Variants in LINGO2 observed in about 807,000 individuals in gnomAD.
LINGO2 encodes the protein leucine rich repeat and Ig domain containing 2, also known as leucine-rich repeat and immunoglobulin-like domain-containing nogo receptor-interacting protein 2.
A neutral mutation model predicts 30.6 loss-of-function variants in LINGO2; 14 were observed. That is an observed-to-expected ratio of 0.46 (90% confidence interval 0.30 to 0.72). The LOEUF is 0.72. Among genes scored for constraint, LINGO2 ranks in the 30% least tolerant of loss-of-function variants. LINGO2 has a pLI of 0.07. For missense variants in LINGO2, 729 were observed against 751.7 expected (o/e 0.97, Z 0.35); for synonymous variants, 317 against 288.5 (o/e 1.10, Z -1.00).
intron 1 of LINGO2, among the ~76,000 whole-genome samples, chr9:28,580,873 G>A (rs764385839): frequency 2.0e-4 from 31 of 152,122 alleles, no homozygotes; most frequent in Middle Eastern, 3.4e-3. Context: ...CTTAGCAGTA[G>A]TGGGTAAGTA....
chr9:28,241,885 C>T (rs1413744751), intron 4 of LINGO2, among the ~76,000 whole-genome samples: 1 of 152,046 alleles, frequency 6.6e-6, no homozygotes, highest in Non-Finnish European at 1.5e-5. Flanking sequence ...AGAAGAGGGA[C>T]CTGACTACTG....
intron 2 of LINGO2, among the ~76,000 whole-genome samples, chr9:28,432,465 T>C (rs1464894648): frequency 6.6e-6 from 1 of 151,862 alleles, no homozygotes; most frequent in Non-Finnish European, 1.5e-5. Flanking sequence ...AGAAAGGAAC[T>C]GATGATGGAA....
chr9:28,036,389 G>A (rs1276670271), intron 4 of LINGO2, among the ~76,000 whole-genome samples: 2 of 152,178 alleles, frequency 1.3e-5, no homozygotes, highest in Admixed American at 6.5e-5. Flanking sequence ...CACACATCCA[G>A]GGTAAAGTTA....
At chr9:28,639,501 C>T (rs947153014) in intron 1 of LINGO2, among the ~76,000 whole-genome samples, 14 of 152,096 alleles carry the variant, frequency 9.2e-5, no homozygotes, top group African/African-American at 3.4e-4. Context: ...AATCTGGGTG[C>T]TCCTGTGCTG....
At chr9:28,107,594 T>C (rs1424343626) in intron 4 of LINGO2, among the ~76,000 whole-genome samples, 2 of 152,150 alleles carry the variant, frequency 1.3e-5, no homozygotes, top group Non-Finnish European at 2.9e-5. Flanking sequence ...GTTCCAATAG[T>C]TGTACATTTA....
chr9:28,009,268 A>G (rs1158760917), intron 5 of LINGO2, among the ~76,000 whole-genome samples: 1 of 151,980 alleles, frequency 6.6e-6, no homozygotes, highest in East Asian at 1.9e-4. Context: ...TAGACAAACT[A>G]TGAGGCTCTT....
chr9:29,015,665 T>C, the LINGO2 span, among the ~76,000 whole-genome samples: 2 of 152,104 alleles, frequency 1.3e-5, no homozygotes, highest in Non-Finnish European at 2.9e-5. Context: ...AATCTATAGA[T>C]TAAAAAAATA....
chr9:28,137,800 C>T (rs1225982186), intron 4 of LINGO2, among the ~76,000 whole-genome samples: 1 of 151,716 alleles, frequency 6.6e-6, no homozygotes, highest in Non-Finnish European at 1.5e-5. Context: ...TAGATTTTTC[C>T]CATTATTTAA....
At position 28,106,740 on chromosome 9, in the gene LINGO2, A is replaced by T. The variant is rs73643299; in HGVS notation, c.-86-94335T>A. On this transcript the variant is annotated intron_variant, in intron 4 of 5. Transcript: ENST00000379992. ...TGTTCACTAGCAGTGAAGCCTTCTC[A>T]AATTCTTTAAACTTTTCAAACTTTG... 8.1e-3 allele frequency among the ~76,000 whole-genome samples: 1,241 copies of T among 152,274 alleles called. 20 individuals are homozygous for T. Among genetic ancestry groups the T allele is most frequent in the African/African-American group, 0.028 (1,175 of 41,562 alleles).
At chr9:28,995,157 T>A in the LINGO2 span, among the ~76,000 whole-genome samples, 4 of 151,828 alleles carry the variant, frequency 2.6e-5, no homozygotes, top group Non-Finnish European at 5.9e-5. Context: ...TACAATGAAC[T>A]CAAACAAATT....
intron 4 of LINGO2, among the ~76,000 whole-genome samples, chr9:28,188,206 A>G (rs73445940): frequency 0.038 from 5,771 of 152,226 alleles, 354 homozygotes; most frequent in African/African-American, 0.13. Context: ...CTCATAGCTA[A>G]TTTCTACTTA....
At chr9:28,491,348 A>C (rs999465217) in intron 1 of LINGO2, among the ~76,000 whole-genome samples, 2 of 152,078 alleles carry the variant, frequency 1.3e-5, no homozygotes, top group Admixed American at 6.6e-5. Flanking sequence ...TTGCCTTCTT[A>C]TCTGTTTTAG....
chr9:29,032,898 C>G, the LINGO2 span, among the ~76,000 whole-genome samples: 1 of 152,084 alleles, frequency 6.6e-6, no homozygotes, highest in Non-Finnish European at 1.5e-5. Context: ...ATAGAGAGCT[C>G]TCCTCTGTAA....
At chr9:28,827,765 T>C in the LINGO2 span, among the ~76,000 whole-genome samples, 1 of 152,150 alleles carries the variant, frequency 6.6e-6, no homozygotes, top group Non-Finnish European at 1.5e-5. Flanking sequence ...AAAGATATTT[T>C]ATTGAAAACA....
At chr9:28,146,122 A>G (rs896902334) in intron 4 of LINGO2, among the ~76,000 whole-genome samples, 1 of 152,236 alleles carries the variant, frequency 6.6e-6, no homozygotes, top group Non-Finnish European at 1.5e-5. Context: ...CATTCACAGC[A>G]GAAGCACACA....
chr9:28,240,708 G>A (rs966715638), intron 4 of LINGO2, among the ~76,000 whole-genome samples: 35 of 152,174 alleles, frequency 2.3e-4, no homozygotes, highest in African/African-American at 8.2e-4. Flanking sequence ...AAACCTTGGG[G>A]GAAACTCCAG....
At chr9:27,958,985 C>T (rs7023531) in intron 5 of LINGO2, among the ~76,000 whole-genome samples, 24,068 of 152,114 alleles carry the variant, frequency 0.16, 4,541 homozygotes, top group African/African-American at 0.44. Flanking sequence ...GGAATATTTA[C>T]ATGTCCTATT....
intron 4 of LINGO2, among the ~76,000 whole-genome samples, chr9:28,246,203 A>G (rs1322149097): frequency 1.3e-5 from 2 of 152,114 alleles, no homozygotes; most frequent in African/African-American, 4.8e-5. Flanking sequence ...AGGCAGGTGG[A>G]TCATGAAGTC....
the LINGO2 span, among the ~76,000 whole-genome samples, chr9:29,150,553 T>A: frequency 2.0e-5 from 3 of 152,128 alleles, no homozygotes; most frequent in African/African-American, 7.2e-5. Context: ...ATAGATGAAA[T>A]AGCCATTTTA....
Sources: gnomAD v4.1 joint callset for allele counts (sites outside exome capture counted in the v4.1 genomes callset) on GRCh38, gnomAD v4.1.1 for gene constraint, MANE v1.5 for transcripts, NCBI Gene and HGNC (gene_info 2026-07-23, HGNC 2026-07-21) for gene names.